The following PLCB4 variants were observed in gnomAD, a reference collection of about 807,000 sequenced individuals.
The protein encoded by PLCB4 is phospholipase C beta 4.
Under a neutral mutation model 178.8 loss-of-function variants are expected in PLCB4, and 77 were observed. That is an observed-to-expected ratio of 0.43 (90% CI 0.36 to 0.52). The LOEUF (loss-of-function observed/expected upper bound fraction) is 0.52. Ranked by LOEUF, PLCB4 falls within the 20% of genes least tolerant of loss-of-function variation. The pLI is 0.00. For missense variants in PLCB4, 1,024 were observed against 1,453.4 expected, an observed-to-expected ratio of 0.70 and a Z score of 4.80; for synonymous variants, 496 against 490.8, an observed-to-expected ratio of 1.01 and a Z score of -0.14.
intron 3 of PLCB4, among the ~76,000 whole-genome samples, chr20:9,292,035 A>C (rs2094584309): frequency 6.6e-6 from 1 of 152,172 alleles, no homozygotes; most frequent in Non-Finnish European, 1.5e-5. Context: ...TTGTGTGTGT[A>C]TGTTTATTTT....
intron 4 of PLCB4, among the ~76,000 whole-genome samples, chr20:9,321,657 C>A (rs533229845): frequency 6.6e-6 from 1 of 151,928 alleles, no homozygotes; most frequent in African/African-American, 2.4e-5. Flanking sequence ...TTGAGACAGA[C>A]GGAGTCTCAC....
At chr20:9,351,351 A>C (rs576485950) in intron 7 of PLCB4, among the ~76,000 whole-genome samples, 1 of 152,074 alleles carries the variant, frequency 6.6e-6, no homozygotes, top group Non-Finnish European at 1.5e-5. Context: ...GCTGTTTCCT[A>C]AACTTTTTTT....
rs759413726 is a variant in PLCB4 at position 9,408,727 on chromosome 20, T to G, written c.1874+10T>G. ...CAATTGAATTTGTCAAGTATCCTTATGTATCAAGTGGAATGAGTGGTTGAC... is the reference window on the plus strand; with the variant it reads ...CAATTGAATTTGTCAAGTATCCTTAGGTATCAAGTGGAATGAGTGGTTGAC... On this transcript the variant is annotated intron_variant, in intron 23 of 39. Transcript: ENST00000378473. The G allele has an allele frequency of 1.7e-5, 24 of 1,431,544 alleles. No homozygotes were observed. In the Admixed American group the frequency reaches 4.0e-4, roughly 24 times the overall value. The allele number at this position is 1,431,544 out of a possible 1,614,324, so 88.7% of individuals were successfully genotyped here.
chr20:9,233,232 TTA>T (rs2093953255), intron 3 of PLCB4, among the ~76,000 whole-genome samples: 1 of 152,152 alleles, frequency 6.6e-6, no homozygotes, highest in African/African-American at 2.4e-5. Flanking sequence ...TAAAAAAATT[TTA>T]TGTTTCCGTC....
intron 3 of PLCB4, among the ~76,000 whole-genome samples, chr20:9,248,665 T>C (rs987536344): frequency 3.9e-5 from 6 of 152,216 alleles, no homozygotes; most frequent in African/African-American, 1.4e-4. Flanking sequence ...ACCTACTGAC[T>C]CTTTTAACAC....
intron 2 of PLCB4, among the ~76,000 whole-genome samples, chr20:9,136,354 A>G (rs1280499170): frequency 6.6e-6 from 1 of 152,056 alleles, no homozygotes; most frequent in Non-Finnish European, 1.5e-5. Flanking sequence ...GTGTGCCGAT[A>G]AGCAGATTCC....
At chr20:9,070,033 T>G (rs2089487118) in intron 1 of PLCB4, among the ~76,000 whole-genome samples, 1 of 152,182 alleles carries the variant, frequency 6.6e-6, no homozygotes, top group Admixed American at 6.5e-5. Context: ...AAGGTGTTTT[T>G]TTTTCCATAT....
chr20:9,364,720 A>G (rs2035627790), intron 8 of PLCB4, among the ~76,000 whole-genome samples: 1 of 152,220 alleles, frequency 6.6e-6, no homozygotes, highest in African/African-American at 2.4e-5. Context: ...AAACTTTACT[A>G]AATCATCATG....
At chr20:9,317,532 CTCAG>C (rs1189649691) in intron 4 of PLCB4, among the ~76,000 whole-genome samples, 9 of 152,158 alleles carry the variant, frequency 5.9e-5, no homozygotes, top group African/African-American at 2.2e-4. Flanking sequence ...GAAATAGTGT[CTCAG>C]TCAGTTTCAT....
intron 3 of PLCB4, among the ~76,000 whole-genome samples, chr20:9,256,460 C>T (rs946476613): frequency 1.3e-5 from 2 of 152,230 alleles, no homozygotes; most frequent in Non-Finnish European, 2.9e-5. Flanking sequence ...CAAATCTCGA[C>T]ATTCCTCTTG....
At chr20:9,360,197 C>T (rs1222488615) in intron 7 of PLCB4, among the ~76,000 whole-genome samples, 1 of 152,202 alleles carries the variant, frequency 6.6e-6, no homozygotes, top group Non-Finnish European at 1.5e-5. Context: ...GAGGCAGCAA[C>T]CTTCCCTCCC....
At chr20:9,421,546 C>T (rs1568794843) in intron 27 of PLCB4, 85 bp downstream of exon 27, 3 of 998,534 alleles carry the variant, frequency 3.0e-6, no homozygotes, top group Non-Finnish European at 4.6e-6. Flanking sequence ...TACAGGGGCA[C>T]TTATTCAACC....
At chr20:9,450,401 G>A (rs1007832252) in intron 32 of PLCB4, among the ~76,000 whole-genome samples, 4 of 152,026 alleles carry the variant, frequency 2.6e-5, no homozygotes, top group Non-Finnish European at 5.9e-5. Flanking sequence ...GTGGTGTCTG[G>A]GAATCAAGTT....
At chr20:9,312,084 G>A (rs568715694) in intron 4 of PLCB4, among the ~76,000 whole-genome samples, 4 of 152,166 alleles carry the variant, frequency 2.6e-5, no homozygotes, top group Admixed American at 2.6e-4. Context: ...ACACTAAGAA[G>A]CATTCTCAGT....
At chr20:9,185,188 C>T (rs937053355) in intron 2 of PLCB4, among the ~76,000 whole-genome samples, 2 of 152,192 alleles carry the variant, frequency 1.3e-5, no homozygotes, top group African/African-American at 4.8e-5. Flanking sequence ...TAGGTGAGAG[C>T]TACCACGCCC....
chr20:9,280,596 AT>A, intron 3 of PLCB4: 1 of 264,566 alleles, frequency 3.8e-6, no homozygotes, highest in Non-Finnish European at 5.8e-6. Flanking sequence ...CCTTGCTTGG[AT>A]TTTTAGTGTT....
At chr20:9,229,497 C>T (rs2093907980) in intron 3 of PLCB4, among the ~76,000 whole-genome samples, 1 of 151,968 alleles carries the variant, frequency 6.6e-6, no homozygotes, top group South Asian at 2.1e-4. Flanking sequence ...AGGTCAGTAA[C>T]CAAAGTGCAT....
Position 9,169,585 on chromosome 20 carries a change from TAATA to T in PLCB4, c.-78-47768_-78-47765del, listed in dbSNP as rs11473517. Among the ~76,000 whole-genome samples, 919 of 144,488 alleles carry T rather than the reference TAATA, an allele frequency of 6.4e-3. 10 individuals carry two copies. Among genetic ancestry groups the T allele is most frequent in the African/African-American group, 0.015 (561 of 38,170 alleles). 94.8% of individuals were successfully genotyped at this position (144,488 alleles called of 152,430 possible). A position where few individuals can be genotyped will look rare whatever the true frequency, so the allele number is the denominator to read the frequency against. Reference sequence around the variant, plus strand: ...GCCTGGGTGACGGAGCAAGACTGTCTAATAAATAAATAAATAAATAAATAAATAA... The same window carrying T: ...GCCTGGGTGACGGAGCAAGACTGTCTAATAAATAAATAAATAAATAAATAA... On this transcript the variant is annotated intron_variant, in intron 2 of 39. Transcript: ENST00000378473.
At chr20:9,418,457 C>G (rs993716640) in intron 25 of PLCB4, among the ~76,000 whole-genome samples, 5 of 152,084 alleles carry the variant, frequency 3.3e-5, no homozygotes, top group African/African-American at 1.2e-4. Context: ...GCATCCTTGT[C>G]AAAAATCAAT....
Sources: gnomAD v4.1 joint callset for allele counts (sites outside exome capture counted in the v4.1 genomes callset) on GRCh38, gnomAD v4.1.1 for gene constraint, MANE v1.5 for transcripts, NCBI Gene and HGNC (gene_info 2026-07-23, HGNC 2026-07-21) for gene names.